CORO2B: variants seen among roughly 807,000 people sequenced by gnomAD.
The protein encoded by CORO2B is coronin 2B, also known as coronin-2B.
Under a neutral mutation model 58.8 loss-of-function variants are expected in CORO2B, and 26 were observed. The ratio of observed to expected loss-of-function variants is 0.44; its 90% CI spans 0.32 to 0.61. The LOEUF (loss-of-function observed/expected upper bound fraction) is 0.61. CORO2B is among the 20% of genes least tolerant of loss of function. The probability of loss-of-function intolerance (pLI) is 0.04; values close to 1 mark genes in which losing one functional copy is unlikely to be tolerated. For synonymous variants in CORO2B, 242 were observed against 253.8 expected (o/e 0.95, Z 0.44); for missense variants, 460 against 645.1 (o/e 0.71, Z 3.11).
chr15:68,619,752 T>TGCGTGTGTGTGTGTGCAC (rs1250705905), intron 1 of CORO2B, among the ~76,000 whole-genome samples: 1 of 150,308 alleles, frequency 6.7e-6, no homozygotes, highest in Non-Finnish European at 1.5e-5. Context: ...AGTGCGTGCA[T>TGCGTGTGTGTGTGTGCAC]GCGTGTGTGT....
chr15:68,558,193 C>A, the CORO2B span, among the ~76,000 whole-genome samples: 1 of 152,084 alleles, frequency 6.6e-6, no homozygotes, highest in African/African-American at 2.4e-5. Flanking sequence ...TGACCCGCTG[C>A]AGGACTACAC....
At chr15:68,590,753 A>G (rs1334087018) in intron 1 of CORO2B, among the ~76,000 whole-genome samples, 2 of 152,046 alleles carry the variant, frequency 1.3e-5, no homozygotes, top group Non-Finnish European at 2.9e-5. Flanking sequence ...AAAACACTAG[A>G]GTAGGTGCAG....
chr15:68,720,328 C>T (rs902074643), intron 11 of CORO2B, among the ~76,000 whole-genome samples: 3 of 152,188 alleles, frequency 2.0e-5, no homozygotes, highest in African/African-American at 7.2e-5. Context: ...AAGTGTCTAG[C>T]ACTCTTCCTG....
At chr15:68,724,062 C>T (rs1281352944) in intron 11 of CORO2B, among the ~76,000 whole-genome samples, 3 of 151,906 alleles carry the variant, frequency 2.0e-5, no homozygotes, top group East Asian at 3.9e-4. Flanking sequence ...ATTAGCCGGG[C>T]GTGATGGCAC....
At chr15:68,596,643 C>T (rs1038096531) in intron 1 of CORO2B, among the ~76,000 whole-genome samples, 4 of 152,148 alleles carry the variant, frequency 2.6e-5, no homozygotes, top group Non-Finnish European at 4.4e-5. Flanking sequence ...GGCTGGAGGC[C>T]TGGAGCCCAG....
chr15:68,682,850 G>A lies in CORO2B; in HGVS notation c.217-12290G>A, dbSNP rs147766856. ...GTAATGCTCCCCAAATCCCAGGTGG[G>A]CTGGGCAAAAATCACAACTCAAAAT... On this transcript the variant is annotated intron_variant, in intron 2 of 11. Coordinates refer to ENST00000261861, the MANE Select transcript of CORO2B (RefSeq NM_006091.5). Among the ~76,000 whole-genome samples the A allele has an allele frequency of 2.6e-3, 400 of 152,316 alleles. 3 individuals are homozygous for A. Among genetic ancestry groups the A allele is most frequent in the African/African-American group, 9.2e-3 (381 of 41,568 alleles).
intron 2 of CORO2B, among the ~76,000 whole-genome samples, chr15:68,664,855 T>C (rs1902139024): frequency 6.6e-6 from 1 of 152,202 alleles, no homozygotes; most frequent in African/African-American, 2.4e-5. Flanking sequence ...CACCTATTTT[T>C]TATAGGGTCT....
chr15:68,669,855 G>C (rs1273499538), intron 2 of CORO2B, among the ~76,000 whole-genome samples: 1 of 151,960 alleles, frequency 6.6e-6, no homozygotes, highest in Non-Finnish European at 1.5e-5. Context: ...TCAGGACTTC[G>C]AGACCAGCCT....
rs369192239 is a variant in CORO2B, at chr15:68,719,131, C to T, written c.1081-13C>T. 276 of 1,607,696 alleles carry T rather than the reference C, an allele frequency of 1.7e-4. No homozygotes were observed. The highest frequency in any genetic ancestry group is 2.2e-4 in the Non-Finnish European group (261 of 1,174,350). ...CCCCCCATGTGTCCTCTCTTCTGCT[C>T]CTCCCACTGTAGTCAGATTCCTACC... On this transcript the variant is annotated splice_polypyrimidine_tract_variant and intron_variant, in intron 9 of 11. Coordinates refer to ENST00000261861, the MANE Select transcript of CORO2B (RefSeq NM_006091.5).
At chr15:68,549,825 T>C in the CORO2B span, among the ~76,000 whole-genome samples, 2 of 152,032 alleles carry the variant, frequency 1.3e-5, no homozygotes, top group Admixed American at 1.3e-4. Flanking sequence ...CCTGCAATCC[T>C]GGCTACTTGG....
chr15:68,545,618 G>GGGC, the CORO2B span, among the ~76,000 whole-genome samples: 5 of 149,848 alleles, frequency 3.3e-5, no homozygotes, highest in African/African-American at 1.0e-4. Context: ...GGGGCGGGGG[G>GGGC]GGTAATACTG....
At chr15:68,714,460 A>G (rs1892986131) in intron 6 of CORO2B, 99 bp from the exon 7 acceptor site, 1 of 872,842 alleles carries the variant, frequency 1.1e-6, no homozygotes, top group Non-Finnish European at 1.9e-6. Context: ...GGGAGGTCTT[A>G]ACATAAAGTA....
chr15:68,689,377 C>T (rs1195821986), intron 2 of CORO2B, among the ~76,000 whole-genome samples: 1 of 151,828 alleles, frequency 6.6e-6, no homozygotes, highest in Non-Finnish European at 1.5e-5. Flanking sequence ...TCTGAACAGT[C>T]ATTGTACAGT....
intron 1 of CORO2B, chr15:68,632,387 G>A: frequency 1.0e-6 from 1 of 985,450 alleles, no homozygotes; most frequent in Non-Finnish European, 1.2e-6. Flanking sequence ...CAGTAGAGTT[G>A]TGATGGAGTC....
chr15:68,676,003 A>T (rs1902574747), intron 2 of CORO2B, among the ~76,000 whole-genome samples: 1 of 152,182 alleles, frequency 6.6e-6, no homozygotes, highest in Non-Finnish European at 1.5e-5. Context: ...GAATAATGCT[A>T]GGAGGAGAAA....
At chr15:68,640,858 G>A (rs1285645209) in intron 1 of CORO2B, among the ~76,000 whole-genome samples, 1 of 152,202 alleles carries the variant, frequency 6.6e-6, no homozygotes, top group Non-Finnish European at 1.5e-5. Context: ...TAGAGGAGGA[G>A]GAGCAACTGG....
At chr15:68,723,609 A>G (rs1893219926) in intron 11 of CORO2B, among the ~76,000 whole-genome samples, 1 of 151,354 alleles carries the variant, frequency 6.6e-6, no homozygotes, top group Non-Finnish European at 1.5e-5. Flanking sequence ...ACCTGCCACC[A>G]CACCTGGCTA....
intron 2 of CORO2B, among the ~76,000 whole-genome samples, chr15:68,694,368 C>G (rs1383146928): frequency 6.6e-6 from 1 of 152,204 alleles, no homozygotes; most frequent in Non-Finnish European, 1.5e-5. Flanking sequence ...CATTGCTATT[C>G]TCATTTTAGA....
upstream of CORO2B, among the ~76,000 whole-genome samples, chr15:68,575,476 A>G (rs564906298): frequency 6.8e-6 from 1 of 147,298 alleles, no homozygotes; most frequent in South Asian, 2.2e-4. Context: ...CTGGGATTAC[A>G]GGTGCCCACC....
Sources: gnomAD v4.1 joint callset for allele counts (sites outside exome capture counted in the v4.1 genomes callset) on GRCh38, gnomAD v4.1.1 for gene constraint, MANE v1.5 for transcripts, NCBI Gene and HGNC (gene_info 2026-07-23, HGNC 2026-07-21) for gene names.